The following FHIP1B variants were observed in gnomAD, a reference collection of about 807,000 sequenced individuals.
FHIP1B encodes the protein FHF complex subunit HOOK-interacting protein 1B.
FHIP1B carries 28 observed loss-of-function variants against 82.2 expected under a neutral mutation model. The observed-to-expected ratio is 0.34, with a 90% CI of 0.25 to 0.47. The LOEUF is 0.47. FHIP1B is among the 20% of genes least tolerant of loss of function. The probability of loss-of-function intolerance (pLI) is 1.00; values close to 1 mark genes in which losing one functional copy is unlikely to be tolerated. For synonymous variants in FHIP1B, 585 were observed against 516.1 expected, an observed-to-expected ratio of 1.13 and a Z score of -1.81; for missense variants, 1,110 against 1,262.6, an observed-to-expected ratio of 0.88 and a Z score of 1.83.
chr11:6,233,866 A>G (rs918603680), intron 1 of FHIP1B, among the ~76,000 whole-genome samples: 1 of 152,154 alleles, frequency 6.6e-6, no homozygotes. Context: ...CAGTCCAGAG[A>G]AGGAACTCGA....
intron 1 of FHIP1B, among the ~76,000 whole-genome samples, chr11:6,230,865 GT>G (rs1452017616): frequency 6.6e-6 from 1 of 152,204 alleles, no homozygotes; most frequent in Non-Finnish European, 1.5e-5. Context: ...AAGCAGCATG[GT>G]TTTAGGGAAC....
chr11:6,217,600 C>T lies in FHIP1B; in HGVS notation c.1986G>A (p.Glu662=). 6.2e-7 allele frequency: 1 copy of T among 1,613,524 alleles called. No homozygotes were observed. The highest frequency in any genetic ancestry group is 8.5e-7 in the Non-Finnish European group (1 of 1,179,756). The part of the protein sequence containing the change: ...VPKEGAGELL[E]GISEGMAGLE... Reference sequence around the variant, plus strand: ...GTCCTGCCATGCCCTCGGAGATGCCCTCTAGCAGTTCCCCAGCTCCCTCCT... The same window carrying T: ...GTCCTGCCATGCCCTCGGAGATGCCTTCTAGCAGTTCCCCAGCTCCCTCCT... Residue 662 remains glutamate, a synonymous_variant, in exon 9 of 12, where the codon GAG becomes GAA. Transcript: ENST00000449352.
chr11:6,223,627 G>A lies in FHIP1B; in HGVS notation c.760C>T (p.His254Tyr). ...SPTVGRYIADHSYFCPVLATG... is the reference protein window; with the variant it reads ...SPTVGRYIADYSYFCPVLATG... ...GTGCTAACCGGGCAGAAGTAAGAGT[G>A]ATCCGCGATGTAGCGGCCCACAGTG... The change falls in exon 3 of 12, where the codon CAC becomes TAC. Residue 254 changes from histidine to tyrosine, a missense_variant. This residue lies in a region of FHIP1B where 467 missense variants were observed against 602.9 expected (regional missense o/e 0.77). Coordinates refer to ENST00000449352, the MANE Select transcript of FHIP1B (RefSeq NM_001098794.2). This position sits in a 1 kb window ranked among gnomAD's most constrained non-coding sequence, Gnocchi z 4.8. 1 of 1,596,332 alleles carries A rather than the reference G, an allele frequency of 6.3e-7. No individual in the cohort carries two copies. The highest frequency in any genetic ancestry group is 1.7e-5 in the Admixed American group (1 of 58,636).
chr11:6,216,700 A>T (rs1052281130), intron 9 of FHIP1B: 1 of 225,088 alleles, frequency 4.4e-6, no homozygotes, highest in African/African-American at 2.3e-5. Flanking sequence ...GAACTCAGTC[A>T]GGGAGCTCAG....
At chr11:6,214,338 T>C in intron 11 of FHIP1B, 73 bp downstream of exon 11, 1 of 1,488,758 alleles carries the variant, frequency 6.7e-7, no homozygotes, top group Non-Finnish European at 9.0e-7. Context: ...TCACTCTTAA[T>C]AAGAGCTCAA....
intron 9 of FHIP1B, 116 bp downstream of exon 9, chr11:6,217,254 GA>G (rs1564859711): frequency 2.3e-6 from 2 of 883,814 alleles, no homozygotes; most frequent in Admixed American, 3.9e-5. Flanking sequence ...CAGGATGGAT[GA>G]GGGGCTAGGC....
At chr11:6,229,196 A>C (rs1847637356) in intron 1 of FHIP1B, among the ~76,000 whole-genome samples, 1 of 152,160 alleles carries the variant, frequency 6.6e-6, no homozygotes, top group Non-Finnish European at 1.5e-5. Context: ...TAAAGTCTGA[A>C]CTCTGGAGTC....
chr11:6,222,781 C>T, intron 5 of FHIP1B, 30 bp downstream of exon 5: 1 of 1,610,150 alleles, frequency 6.2e-7, no homozygotes, highest in Non-Finnish European at 8.5e-7. Flanking sequence ...AGCTTAGCCC[C>T]TTATATGCCT....
chr11:6,224,179 G>A lies in FHIP1B; in HGVS notation c.208C>T (p.Arg70Cys), dbSNP rs780808146. 11 of 1,613,616 alleles carry A rather than the reference G, an allele frequency of 6.8e-6. No homozygotes were observed. In the East Asian group the frequency reaches 1.3e-4, roughly 20 times the overall value. Residue 70 changes from arginine (R) to cysteine (C), a missense_variant, in exon 3 of 12, where the codon CGC becomes TGC. Physicochemically the swap from Arg to Cys is radical, Grantham distance 180. Transcript: ENST00000449352. The stretch of plus-strand genomic sequence containing the variant: ...GTCAACATCTGGTAAGTGTGGTTGC[G>A]CACAGCACTGAGATCGTCTGCACCC... ...PGGADDLSAVRNHTYQMLTLL... is the reference protein window; with the variant it reads ...PGGADDLSAVCNHTYQMLTLL...
At chr11:6,218,366 A>G (rs1847308815) in intron 8 of FHIP1B, among the ~76,000 whole-genome samples, 1 of 152,210 alleles carries the variant, frequency 6.6e-6, no homozygotes, top group Non-Finnish European at 1.5e-5. Flanking sequence ...CAGGAAGAGT[A>G]CACGACTAGA....
At position 6,224,367 on chromosome 11, in the gene FHIP1B, A is replaced by T. The variant is rs1398535427; in HGVS notation, c.138+12T>A. 6.2e-7 allele frequency: 1 copy of T among 1,614,142 alleles called. No individual in the cohort carries two copies. Among genetic ancestry groups the T allele is most frequent in the Non-Finnish European group, 8.5e-7 (1 of 1,179,926 alleles). On this transcript the variant is annotated intron_variant, in intron 2 of 11. Coordinates refer to ENST00000449352, the MANE Select transcript of FHIP1B (RefSeq NM_001098794.2). ...ATCAGCAGACAAGGCCCTTTGCCAT[A>T]CAGTCTCCTACCTGGGACCAGTGAT...
chr11:6,217,691 G>A lies in FHIP1B; in HGVS notation c.1895C>T (p.Pro632Leu), dbSNP rs762272894. ...GAGEGPGHLPPPQLNGVPGSW... is the reference protein window; with the variant it reads ...GAGEGPGHLPLPQLNGVPGSW... ...TCCTGGCACTCCATTGAGCTGGGGA[G>A]GGGGCAGGTGACCAGGGCCCTCCCC... Residue 632 changes from proline to leucine, a missense_variant, in exon 9 of 12, where the codon CCT (proline) becomes CTT (leucine). Pro to Leu is a moderately conservative substitution (Grantham distance 98). This residue lies in a region of FHIP1B where 418 missense variants were observed against 371.4 expected (regional missense o/e 1.13). Coordinates refer to ENST00000449352, the MANE Select transcript of FHIP1B (RefSeq NM_001098794.2). 1.9e-6 allele frequency: 3 copies of A among 1,613,398 alleles called. No individual in the cohort carries two copies. Among genetic ancestry groups the A allele is most frequent in the South Asian group, 1.1e-5 (1 of 91,030 alleles).
Position 6,222,800 on chromosome 11 carries a change from A to G in FHIP1B, c.1023+11T>C. On this transcript the variant is annotated intron_variant, in intron 5 of 11. Transcript: ENST00000449352. ...TAGCCCCTTATATGCCTTGCCACCC[A>G]TGACTCTCACCTTGTGCAAGGCAGG... 1.2e-6 allele frequency: 2 copies of G among 1,613,702 alleles called. No individual in the cohort carries two copies. Among genetic ancestry groups the G allele is most frequent in the East Asian group, 2.2e-5 (1 of 44,884 alleles).
intron 5 of FHIP1B, 28 bp from the exon 6 acceptor site, chr11:6,222,637 A>C (rs747712707): frequency 1.2e-6 from 2 of 1,611,372 alleles, no homozygotes; most frequent in East Asian, 2.2e-5. Flanking sequence ...AAAGTCTGGA[A>C]ATGCACAGCT....
At chr11:6,214,641 G>A in intron 10 of FHIP1B, 68 bp from the exon 11 acceptor site, 1 of 1,554,282 alleles carries the variant, frequency 6.4e-7, no homozygotes, top group Non-Finnish European at 8.7e-7. Flanking sequence ...TAGTCCCACT[G>A]GGCCTGTTCC....
intron 6 of FHIP1B, 117 bp from the exon 7 acceptor site, chr11:6,219,167 A>G: frequency 1.4e-6 from 1 of 703,706 alleles, no homozygotes; most frequent in Non-Finnish European, 2.6e-6. Context: ...TCCTAGAGGA[A>G]CTCCTAGAGG....
chr11:6,211,890 T>A (rs928848336), intron 11 of FHIP1B, 23 bp from the exon 12 acceptor site: 3 of 1,528,012 alleles, frequency 2.0e-6, no homozygotes, highest in Non-Finnish European at 8.7e-7. Flanking sequence ...AGGGGTATCA[T>A]GAAGGTGCTG....
intron 8 of FHIP1B, among the ~76,000 whole-genome samples, 180 bp from the exon 9 acceptor site, chr11:6,218,330 C>T (rs1311054794): frequency 1.3e-5 from 2 of 152,166 alleles, no homozygotes; most frequent in Admixed American, 6.5e-5. Flanking sequence ...CACTCACCAC[C>T]ATCACCACTG....
intron 9 of FHIP1B, chr11:6,216,891 G>A: frequency 3.4e-6 from 2 of 596,072 alleles, no homozygotes; most frequent in Admixed American, 3.0e-5. Context: ...AAAAATACCA[G>A]AAGGTTAACC....
Sources: gnomAD v4.1 joint callset for allele counts (sites outside exome capture counted in the v4.1 genomes callset) on GRCh38, gnomAD v4.1.1 for gene constraint, gnomAD v4.1.1 regional missense constraint, Gnocchi (gnomAD v3.1) non-coding constraint, MANE v1.5 for transcripts, NCBI Gene and HGNC (gene_info 2026-07-23, HGNC 2026-07-21) for gene names.